Variants in CLEC12B observed in about 807,000 individuals in gnomAD.
The protein encoded by CLEC12B is macrophage antigen h.
Under a neutral mutation model 36.1 loss-of-function variants are expected in CLEC12B, and 25 were observed. The ratio of observed to expected loss-of-function variants is 0.69; its 90% CI spans 0.50 to 0.97. The LOEUF (loss-of-function observed/expected upper bound fraction) is 0.97. Ranked by LOEUF, CLEC12B falls within the 50% of genes least tolerant of loss-of-function variation. The probability of loss-of-function intolerance (pLI) is 0.00; values close to 1 mark genes in which losing one functional copy is unlikely to be tolerated. For synonymous variants in CLEC12B, 110 were observed against 108.5 expected, an observed-to-expected ratio of 1.01 and a Z score of -0.09; for missense variants, 325 against 318.4, an observed-to-expected ratio of 1.02 and a Z score of -0.16.
At chr12:10,014,998 T>C (rs930592535) in intron 3 of CLEC12B, among the ~76,000 whole-genome samples, 24 of 152,208 alleles carry the variant, frequency 1.6e-4, no homozygotes, top group Admixed American at 1.5e-3. Context: ...TATTTCTAGG[T>C]GATCATGTTG....
intron 5 of CLEC12B, 98 bp downstream of exon 5, chr12:10,015,825 G>A: frequency 6.3e-7 from 1 of 1,576,610 alleles, no homozygotes; most frequent in Non-Finnish European, 8.6e-7. Context: ...CATAAAAAGA[G>A]GAGTACAACA....
At chr12:10,017,273 G>A in intron 5 of CLEC12B, 1 of 985,276 alleles carries the variant, frequency 1.0e-6, no homozygotes, top group Non-Finnish European at 1.2e-6. Flanking sequence ...AACAAAAAAA[G>A]TGACAGTTAC....
At chr12:10,010,913 G>A in intron 1 of CLEC12B, 63 bp downstream of exon 1, 1 of 1,070,330 alleles carries the variant, frequency 9.3e-7, no homozygotes, top group East Asian at 2.5e-5. Context: ...AATGCTTTGA[G>A]GTGCCAGCTT....
Position 10,010,699 on chromosome 12 carries a change from T to G in CLEC12B, c.-61T>G, listed in dbSNP as rs537885643. The G allele has an allele frequency of 1.0e-4, 112 of 1,120,488 alleles. No individual in the cohort carries two copies. Among genetic ancestry groups the G allele is most frequent in the Middle Eastern group, 2.0e-4 (1 of 5,018 alleles). 69.4% of individuals were successfully genotyped at this position (1,120,488 alleles called of 1,614,324 possible). On this transcript the variant is annotated 5_prime_UTR_variant, in exon 1 of 6. Coordinates refer to ENST00000338896, the MANE Select transcript of CLEC12B (RefSeq NM_001129998.3). ...CCCAGCCTTGAAAAACACATGCTGT[T>G]CCCAGGCCTCAAGATATTGAAACAT...
At chr12:10,016,112 T>C (rs494312) in intron 5 of CLEC12B, 194,781 of 373,874 alleles carry the variant, frequency 0.52, 51,249 homozygotes, top group East Asian at 0.8. Context: ...TTAGGGATTG[T>C]GCACTCAGTC....
rs184138035 is a variant in CLEC12B, at chr12:10,018,674, C to A, written c.*193C>A. On this transcript the variant is annotated 3_prime_UTR_variant, in exon 6 of 6. Coordinates refer to ENST00000338896, the MANE Select transcript of CLEC12B (RefSeq NM_001129998.3). ...CGTCTTCTGATTTGATGTTATTATTCGGTCTTAAAATTATACCTGGGGACA... is the reference window on the plus strand; with the variant it reads ...CGTCTTCTGATTTGATGTTATTATTAGGTCTTAAAATTATACCTGGGGACA... 1.0e-4 allele frequency: 58 copies of A among 560,706 alleles called. No individual in the cohort carries two copies. The highest frequency in any genetic ancestry group is 9.9e-4 in the African/African-American group (51 of 51,738). The allele number at this position is 560,706 out of a possible 1,614,324, so 34.7% of individuals were successfully genotyped here.
In CLEC12B at chr12:10,015,790, T is replaced by C. The variant is rs767867368; in HGVS notation, c.680+63T>C. On this transcript the variant is annotated intron_variant, in intron 5 of 5. Coordinates refer to ENST00000338896, the MANE Select transcript of CLEC12B (RefSeq NM_001129998.3). Reference sequence around the variant, plus strand: ...CATGGAATCCTGGGAAAATTAATAATGATTGTGAGAATTATAAATACAGAC... The same window carrying C: ...CATGGAATCCTGGGAAAATTAATAACGATTGTGAGAATTATAAATACAGAC... The C allele has an allele frequency of 1.9e-6, 3 of 1,602,300 alleles. No homozygotes were observed. In the African/African-American group the frequency reaches 4.0e-5, roughly 22 times the overall value.
At position 10,014,531 on chromosome 12, in the gene CLEC12B, A is replaced by G. The variant is rs144806536; in HGVS notation, c.199A>G (p.Ile67Val). 6.8e-5 allele frequency: 110 copies of G among 1,612,132 alleles called. No individual in the cohort carries two copies. The East Asian group carries it at 2.2e-3, about 32-fold the overall frequency. ...LVTLGMMFLQ[I>V]SNDINSDSEK... is the part of the protein sequence containing the mutation. The stretch of plus-strand genomic sequence containing the variant: ...CCTGTCATGTCTTGGAGTTTTGCAG[A>G]TATCTAATGACATTAACTCAGATTC... Residue 67 changes from isoleucine to valine, a missense_variant, in exon 3 of 6, where the codon ATA (isoleucine) becomes GTA (valine). Physicochemically the swap from Ile to Val is conservative, Grantham distance 29. Transcript: ENST00000338896.
chr12:10,015,188 C>T (rs1865449907), intron 3 of CLEC12B, 64 bp from the exon 4 acceptor site: 1 of 1,361,690 alleles, frequency 7.3e-7, no homozygotes. Context: ...GATTTTGTTT[C>T]AAAGCCTTCT....
chr12:10,006,851 C>G (rs374835109), upstream of CLEC12B, among the ~76,000 whole-genome samples: 3 of 151,966 alleles, frequency 2.0e-5, no homozygotes, highest in East Asian at 1.9e-4. Context: ...GTCAGGAGAT[C>G]GAGACCATCC....
rs1338067205 is a variant in CLEC12B at position 10,018,344 on chromosome 12, G to T, written c.694G>T (p.Glu232Ter). Residue 232 changes from glutamate to a stop codon, truncating the protein, a stop_gained, in exon 6 of 6, where the codon GAA becomes TAA. Transcript: ENST00000338896. LOFTEE classifies it high-confidence loss of function. The stretch of plus-strand genomic sequence containing the variant: ...ATTAATTTTCAGATTTAGTACTAAA[G>T]AACTTGACCAGATCAATGGATCCAA... The part of the protein sequence containing the change: ...VPSPSLFSTK[E>*]LDQINGSKGC... The T allele has an allele frequency of 6.7e-7, 1 of 1,483,746 alleles. No homozygotes were observed. Among genetic ancestry groups the T allele is most frequent in the Non-Finnish European group, 9.1e-7 (1 of 1,096,146 alleles). The allele number at this position is 1,483,746 out of a possible 1,614,324, so 91.9% of individuals were successfully genotyped here. A position where few individuals can be genotyped will look rare whatever the true frequency, so the allele number is the denominator to read the frequency against.
intron 5 of CLEC12B, 78 bp from the exon 6 acceptor site, chr12:10,018,253 G>C (rs150416260): frequency 1.1e-6 from 1 of 881,686 alleles, no homozygotes; most frequent in Non-Finnish European, 1.7e-6. Flanking sequence ...GACATTGGCT[G>C]TAAGAGCAAC....
In CLEC12B at chr12:10,010,635, A is replaced by G. The variant is rs926103252; in HGVS notation, c.-125A>G. 3.4e-6 allele frequency: 2 copies of G among 591,030 alleles called. No homozygotes were observed. The highest frequency in any genetic ancestry group is 3.8e-5 in the South Asian group (2 of 52,234). The allele number at this position is 591,030 out of a possible 1,614,324, so 36.6% of individuals were successfully genotyped here. ...CATTCTTCTCTTACAGAGGGGCAGT[A>G]GAGTGTGTCTGGGTCAGCTGAGTGA... is the stretch of plus-strand genomic sequence containing the variant. On this transcript the variant is annotated 5_prime_UTR_variant, in exon 1 of 6. Coordinates refer to ENST00000338896, the MANE Select transcript of CLEC12B (RefSeq NM_001129998.3).
intron 5 of CLEC12B, chr12:10,017,146 A>G: frequency 1.0e-6 from 1 of 985,228 alleles, no homozygotes; most frequent in African/African-American, 1.7e-5. Context: ...TGTCATGGCT[A>G]TTTCTACTCA....
intron 5 of CLEC12B, chr12:10,017,414 T>C (rs1865513461): frequency 1.0e-6 from 1 of 985,426 alleles, no homozygotes; most frequent in Middle Eastern, 5.2e-4. Context: ...TGTTGGAATC[T>C]AAGATGTGTC....
chr12:10,015,967 C>G (rs1178077549), intron 5 of CLEC12B: 5 of 1,248,262 alleles, frequency 4.0e-6, no homozygotes, highest in Non-Finnish European at 5.0e-6. Context: ...ACACACACAC[C>G]TAATACTACA....
In CLEC12B at chr12:10,018,411, G is replaced by A. The variant is rs973906758; in HGVS notation, c.761G>A (p.Arg254His). Reference sequence around the variant, plus strand: ...CAAAAAGGAAATATTTATATTTCTCGCTGTAGTGCTGAAATTTTTTGGATT... The same window carrying A: ...CAAAAAGGAAATATTTATATTTCTCACTGTAGTGCTGAAATTTTTTGGATT... The part of the protein sequence containing the change: ...YFQKGNIYIS[R>H]CSAEIFWICE... The change falls in exon 6 of 6, where the codon CGC becomes CAC. Residue 254 changes from arginine to histidine, a missense_variant. Physicochemically the swap from Arg to His is conservative, Grantham distance 29. Coordinates refer to ENST00000338896, the MANE Select transcript of CLEC12B (RefSeq NM_001129998.3). The A allele has an allele frequency of 2.8e-5, 43 of 1,549,164 alleles. No homozygotes were observed. The highest frequency in any genetic ancestry group is 5.9e-5 in the Admixed American group (3 of 50,942).
chr12:10,018,495 A>C lies in CLEC12B; in HGVS notation c.*14A>C. On this transcript the variant is annotated 3_prime_UTR_variant, in exon 6 of 6. Coordinates refer to ENST00000338896, the MANE Select transcript of CLEC12B (RefSeq NM_001129998.3). ...GATTTGGATTAGTATGCTTCTTCCA[A>C]ATTCTCCAAGAAGTAAGAGACTTGT... 6.5e-7 allele frequency: 1 copy of C among 1,546,858 alleles called. No homozygotes were observed. Among genetic ancestry groups the C allele is most frequent in the Non-Finnish European group, 8.7e-7 (1 of 1,145,432 alleles).
At position 10,018,335 on chromosome 12, in the gene CLEC12B, A is replaced by T; in HGVS notation, c.685A>T (p.Ser229Cys). ...TAATTTTAAATTAATTTTCAGATTT[A>T]GTACTAAAGAACTTGACCAGATCAA... ...DGSVPSPSLF[S>C]TKELDQINGS... The change falls in exon 6 of 6, where the codon AGT (serine) becomes TGT (cysteine). Residue 229 changes from serine (S) to cysteine (C), a missense_variant. Physicochemically the swap from Ser to Cys is moderately radical, Grantham distance 112 (BLOSUM62 -1). Transcript: ENST00000338896. 7.0e-7 allele frequency: 1 copy of T among 1,436,418 alleles called. No individual in the cohort carries two copies. Among genetic ancestry groups the T allele is most frequent in the South Asian group, 1.3e-5 (1 of 74,116 alleles). The allele number at this position is 1,436,418 out of a possible 1,614,324, so 89.0% of individuals were successfully genotyped here.
Sources: gnomAD v4.1 joint callset for allele counts (sites outside exome capture counted in the v4.1 genomes callset) on GRCh38, gnomAD v4.1.1 for gene constraint, MANE v1.5 for transcripts, NCBI Gene and HGNC (gene_info 2026-07-23, HGNC 2026-07-21) for gene names.